The following DAB1 variants were observed in gnomAD, a reference collection of about 807,000 sequenced individuals.
The protein encoded by DAB1 is disabled homolog 1.
DAB1 carries 15 observed loss-of-function variants against 64.6 expected under a neutral mutation model. The observed-to-expected ratio is 0.23, with a 90% CI of 0.16 to 0.36. DAB1 has a LOEUF of 0.36. DAB1 is among the 10% of genes least tolerant of loss of function. The pLI, the probability that DAB1 is intolerant of heterozygous loss-of-function variation, is 1.00. For synonymous variants in DAB1, 235 were observed against 251.9 expected (o/e 0.93, Z 0.64); for missense variants, 596 against 706.7 (o/e 0.84, Z 1.78).
At chr1:58,078,351 A>G (rs1448623006) in intron 5 of DAB1, among the ~76,000 whole-genome samples, 3 of 152,226 alleles carry the variant, frequency 2.0e-5, no homozygotes, top group Non-Finnish European at 4.4e-5. Context: ...CTGAGTTTCC[A>G]TATCTAGAAA....
At chr1:57,097,759 T>C (rs1030765076) in intron 4 of DAB1, among the ~76,000 whole-genome samples, 1 of 116,892 alleles carries the variant, frequency 8.6e-6, no homozygotes, top group Non-Finnish European at 1.8e-5. Flanking sequence ...TTTTTATTTT[T>C]ATTATTATTT....
At chr1:57,973,650 C>T (rs943561839) in intron 5 of DAB1, among the ~76,000 whole-genome samples, 6 of 152,204 alleles carry the variant, frequency 3.9e-5, no homozygotes, top group African/African-American at 1.4e-4. Context: ...TAGGGTGTTA[C>T]TCTTGTTTCC....
intron 1 of DAB1, among the ~76,000 whole-genome samples, chr1:57,326,085 G>C (rs956420108): frequency 1.3e-5 from 2 of 152,196 alleles, no homozygotes; most frequent in African/African-American, 4.8e-5. Context: ...CGATGAAAAG[G>C]GGGTACTCCC....
At chr1:57,367,103 TAAAATAAAATA>T (rs1680102653) in intron 1 of DAB1, among the ~76,000 whole-genome samples, 1 of 101,772 alleles carries the variant, frequency 9.8e-6, no homozygotes, top group African/African-American at 4.3e-5. Flanking sequence ...TAAAATAAAA[TAAAATAAAATA>T]AAATAAATAA....
chr1:57,723,355 T>C (rs1647173208), intron 6 of DAB1, among the ~76,000 whole-genome samples: 1 of 152,188 alleles, frequency 6.6e-6, no homozygotes, highest in Admixed American at 6.5e-5. Context: ...CATATGAATG[T>C]TTTTTCTGAT....
At chr1:57,406,344 T>G (rs1301634940) in intron 1 of DAB1, among the ~76,000 whole-genome samples, 3 of 152,224 alleles carry the variant, frequency 2.0e-5, no homozygotes, top group African/African-American at 7.2e-5. Context: ...TATTTTTTAC[T>G]TCGACAAATA....
At chr1:57,230,169 C>T (rs1667559706) in intron 2 of DAB1, among the ~76,000 whole-genome samples, 1 of 152,160 alleles carries the variant, frequency 6.6e-6, no homozygotes, top group Non-Finnish European at 1.5e-5. Context: ...CTTTAACTCT[C>T]ATTCTGACTT....
At chr1:58,528,556 G>A (rs934464530) in intron 1 of DAB1, among the ~76,000 whole-genome samples, 2 of 152,194 alleles carry the variant, frequency 1.3e-5, no homozygotes, top group African/African-American at 4.8e-5. Flanking sequence ...TCATAACTGA[G>A]AGGAGGGAGA....
At chr1:58,082,595 G>A (rs1359494) in intron 5 of DAB1, among the ~76,000 whole-genome samples, 24,686 of 152,068 alleles carry the variant, frequency 0.16, 2,424 homozygotes, top group East Asian at 0.37. Flanking sequence ...GTGGTGGAGA[G>A]CAGCATCACA....
intron 7 of DAB1, chr1:57,606,108 C>T (rs1645633033): frequency 4.4e-6 from 2 of 459,198 alleles, no homozygotes; most frequent in Non-Finnish European, 4.1e-6. Flanking sequence ...CACATACCAT[C>T]TCCTGGGATT....
chr1:57,856,293 T>G (rs1484214518), intron 1 of DAB1, among the ~76,000 whole-genome samples: 4 of 152,188 alleles, frequency 2.6e-5, no homozygotes, highest in South Asian at 2.1e-4. Flanking sequence ...TTTCAGCCAC[T>G]GTGCCTCTAT....
intron 4 of DAB1, among the ~76,000 whole-genome samples, chr1:57,115,430 A>G (rs1372226052): frequency 6.6e-6 from 1 of 152,236 alleles, no homozygotes; most frequent in Non-Finnish European, 1.5e-5. Context: ...ATACTCTAGA[A>G]CAGCCCAGTC....
At chr1:57,103,954 C>T (rs936643182) in intron 4 of DAB1, among the ~76,000 whole-genome samples, 4 of 152,068 alleles carry the variant, frequency 2.6e-5, no homozygotes, top group African/African-American at 9.7e-5. Context: ...GCAGATTTAT[C>T]ATGAGTAGGT....
At chr1:58,046,715 C>T (rs1010773575) in intron 5 of DAB1, among the ~76,000 whole-genome samples, 1 of 152,208 alleles carries the variant, frequency 6.6e-6, no homozygotes, top group Non-Finnish European at 1.5e-5. Context: ...CTGAGCAGCA[C>T]TTGTCTTGGT....
At chr1:58,479,291 G>A (rs1476445886) in intron 3 of DAB1, among the ~76,000 whole-genome samples, 1 of 152,084 alleles carries the variant, frequency 6.6e-6, no homozygotes, top group Non-Finnish European at 1.5e-5. Flanking sequence ...CAATCACAAG[G>A]AGTGTAAAAA....
chr1:57,932,565 T>C (rs537422402), intron 5 of DAB1, among the ~76,000 whole-genome samples: 2 of 152,058 alleles, frequency 1.3e-5, no homozygotes, highest in African/African-American at 4.8e-5. Flanking sequence ...AGTGGATTCA[T>C]CTATTTCTAT....
At chr1:57,768,560 AAT>A (rs1296347207) in intron 6 of DAB1, among the ~76,000 whole-genome samples, 5 of 149,936 alleles carry the variant, frequency 3.3e-5, no homozygotes, top group Non-Finnish European at 5.9e-5. Flanking sequence ...ATAAATTATA[AAT>A]ATATATATTA....
chr1:58,487,473 T>C (rs976033020), intron 3 of DAB1, among the ~76,000 whole-genome samples: 1 of 152,226 alleles, frequency 6.6e-6, no homozygotes, highest in Non-Finnish European at 1.5e-5. Flanking sequence ...TCATTTATGC[T>C]TGTAAAATGA....
intron 1 of DAB1, among the ~76,000 whole-genome samples, chr1:57,874,527 T>C (rs750234884): frequency 6.6e-6 from 1 of 151,930 alleles, no homozygotes; most frequent in Non-Finnish European, 1.5e-5. Context: ...AGACCAAACA[T>C]GAAGGTGCCA....
Sources: allele counts gnomAD v4.1 joint callset (sites outside exome capture counted in the v4.1 genomes callset), GRCh38; gene constraint gnomAD v4.1.1; transcripts MANE v1.5; gene names NCBI Gene and HGNC (gene_info 2026-07-23, HGNC 2026-07-21).